Variants in SPTBN5 observed in about 807,000 individuals in gnomAD.
The protein encoded by SPTBN5 is spectrin beta, non-erythrocytic 5.
Under a neutral mutation model 477.6 loss-of-function variants are expected in SPTBN5, and 513 were observed. The ratio of observed to expected loss-of-function variants is 1.07; its 90% CI spans 1.00 to 1.16. The LOEUF (loss-of-function observed/expected upper bound fraction) is 1.16, where lower values mean the gene tolerates loss of function less well. SPTBN5 is among the 50% of genes most tolerant of loss of function. The pLI is 0.00. For synonymous variants in SPTBN5, 2,169 were observed against 2,011.7 expected (o/e 1.08, Z -2.09); for missense variants, 5,062 against 4,731.8 (o/e 1.07, Z -2.05).
At chr15:41,856,713 C>G (rs2065938441) in intron 52 of SPTBN5, 115 bp from the exon 53 acceptor site, 2 of 1,341,498 alleles carry the variant, frequency 1.5e-6, no homozygotes, top group East Asian at 2.5e-5. Context: ...TTCCCTGTCC[C>G]CATGACTCCC....
chr15:41,867,240 A>C, intron 35 of SPTBN5, 114 bp from the exon 36 acceptor site: 1 of 1,204,236 alleles, frequency 8.3e-7, no homozygotes, highest in Non-Finnish European at 1.1e-6. Flanking sequence ...TCAGCCCCAC[A>C]TGGCTGAGGG....
intron 21 of SPTBN5, 118 bp from the exon 22 acceptor site, chr15:41,875,740 G>A (rs374701241): frequency 3.2e-4 from 348 of 1,081,442 alleles, no homozygotes; most frequent in African/African-American, 4.9e-4. Context: ...TGCACTCCAC[G>A]GGCTGCCTGG....
chr15:41,868,428 TGCCTGCTGCCCCAGCTGGGTG>T lies in SPTBN5; in HGVS notation c.6006_6026del (p.Thr2003_Ala2009del), dbSNP rs764071982. 3.7e-5 allele frequency: 60 copies of T among 1,606,098 alleles called. No homozygotes were observed. Among genetic ancestry groups the T allele is most frequent in the South Asian group, 1.8e-4 (16 of 90,876 alleles). On this transcript the variant is annotated inframe_deletion, in exon 33 of 68. Transcript: ENST00000320955. ...TGGTGGGTGTCCCTGCAGCAAGAAG[TGCCTGCTGCCCCAGCTGGGTG>T]GCCTGCTGCCACAGCTTCTCCCGGG...
intron 21 of SPTBN5, 109 bp from the exon 22 acceptor site, chr15:41,875,731 G>T: frequency 8.7e-7 from 1 of 1,147,948 alleles, no homozygotes. Context: ...GACCACAGCT[G>T]CACTCCACGG....
chr15:41,860,533 A>G, intron 47 of SPTBN5, 53 bp downstream of exon 47: 1 of 1,335,770 alleles, frequency 7.5e-7, no homozygotes, highest in African/African-American at 1.5e-5. Flanking sequence ...CCGGGATGCC[A>G]GATGCCTGTG....
Position 41,881,093 on chromosome 15 carries a change from T to C in SPTBN5, c.2599A>G (p.Ile867Val), listed in dbSNP as rs1438074201. ...CTCAAGTGGTCCTGTGTCTGGAGTA[T>C]AGTGTTGGGATCAAAGTCAGGGTCA... ...EPDPDFDPNT[I>V]LQTQDHLSQD... Residue 867 changes from isoleucine (I) to valine (V), a missense_variant, in exon 13 of 68, where the codon ATA (isoleucine) becomes GTA (valine). Coordinates refer to ENST00000320955, the MANE Select transcript of SPTBN5 (RefSeq NM_016642.4). The C allele has an allele frequency of 6.2e-7, 1 of 1,611,754 alleles. No individual in the cohort carries two copies. The highest frequency in any genetic ancestry group is 8.5e-7 in the Non-Finnish European group (1 of 1,179,002).
rs1200287535 is a variant in SPTBN5 at position 41,878,422 on chromosome 15, C to T, written c.3390G>A (p.Val1130=). 1 of 1,613,720 alleles carries T rather than the reference C, an allele frequency of 6.2e-7. No individual in the cohort carries two copies. Among genetic ancestry groups the T allele is most frequent in the Non-Finnish European group, 8.5e-7 (1 of 1,179,908 alleles). Residue 1130 remains valine, a synonymous_variant, in exon 17 of 68, where the codon GTG becomes GTA. Coordinates refer to ENST00000320955, the MANE Select transcript of SPTBN5 (RefSeq NM_016642.4). The part of the protein sequence containing the change: ...SVQAQLRSKE[V]SVDVASAQRL... ...GCTGAGCCGAGGCCACATCCACTGACACCTCCTTGCTGCGCAGCTGAGCCT... is the reference window on the plus strand; with the variant it reads ...GCTGAGCCGAGGCCACATCCACTGATACCTCCTTGCTGCGCAGCTGAGCCT...
chr15:41,887,401 G>A lies in SPTBN5; in HGVS notation c.700C>T (p.Pro234Ser), dbSNP rs1212042753. Residue 234 changes from proline to serine, a missense_variant, in exon 6 of 68, where the codon CCA becomes TCA. By Grantham distance (74) the Pro-to-Ser change is moderately conservative. Transcript: ENST00000320955. ...LDYGSLRPDRPLHNLAFAFLV... is the reference protein window; with the variant it reads ...LDYGSLRPDRSLHNLAFAFLV... The stretch of plus-strand genomic sequence containing the variant: ...AAAGCAAAAGCAAGGTTGTGCAGTG[G>A]GCGGTCTGGACGCAGGGAGCCGTAG... The A allele has an allele frequency of 6.4e-7, 1 of 1,554,070 alleles. No homozygotes were observed. The highest frequency in any genetic ancestry group is 8.7e-7 in the Non-Finnish European group (1 of 1,148,836).
intron 67 of SPTBN5, 146 bp downstream of exon 67, chr15:41,849,723 A>T (rs976739383): frequency 1.5e-6 from 1 of 645,600 alleles, no homozygotes; most frequent in Non-Finnish European, 2.7e-6. Flanking sequence ...GAGAGTGGGC[A>T]GGGGCAGCTG....
At chr15:41,878,801 C>T (rs2066839341) in intron 16 of SPTBN5, among the ~76,000 whole-genome samples, 172 bp from the exon 17 acceptor site, 1 of 152,200 alleles carries the variant, frequency 6.6e-6, no homozygotes, top group South Asian at 2.1e-4. Context: ...GGTGCAGTGG[C>T]TCAAGCCTGT....
chr15:41,864,425 T>C (rs2066228088), intron 39 of SPTBN5, among the ~76,000 whole-genome samples: 1 of 152,216 alleles, frequency 6.6e-6, no homozygotes, highest in Non-Finnish European at 1.5e-5. Flanking sequence ...GCGATTCTCC[T>C]ACCTCAGCCT....
rs768708579 is a variant in SPTBN5, at chr15:41,887,299, G to A, written c.802C>T (p.Arg268Cys). 45 of 1,551,120 alleles carry A rather than the reference G, an allele frequency of 2.9e-5. No individual in the cohort carries two copies. The highest frequency in any genetic ancestry group is 1.2e-4 in the East Asian group (5 of 40,928). Residue 268 changes from arginine to cysteine, a missense_variant, in exon 6 of 68, where the codon CGC becomes TGC. Arg to Cys is a radical substitution (Grantham distance 180, BLOSUM62 -3). Coordinates refer to ENST00000320955, the MANE Select transcript of SPTBN5 (RefSeq NM_016642.4). Reference protein sequence around the residue: ...EDVAAAQPDERSIMTYVSLYY... With the variant: ...EDVAAAQPDECSIMTYVSLYY... ...AGGGAGACGTAGGTCATGATAGAGC[G>A]CTCATCTGGCTGTGCGGCTGCCACG...
At chr15:41,857,188 G>T (rs546678184) in intron 51 of SPTBN5, 50 bp downstream of exon 51, 6 of 1,547,388 alleles carry the variant, frequency 3.9e-6, no homozygotes, top group East Asian at 2.3e-5. Context: ...AGGGGTGGGG[G>T]TCCCTCCAGG....
rs370009495 is a variant in SPTBN5 at position 41,878,511 on chromosome 15, T to C, written c.3301A>G (p.Thr1101Ala). The change falls in exon 17 of 68, where the codon ACT (threonine) becomes GCT (alanine). Residue 1101 changes from threonine (T) to alanine (A), a missense_variant. Physicochemically the swap from Thr to Ala is moderately conservative, Grantham distance 58. Transcript: ENST00000320955. Reference protein sequence around the residue: ...VAQRARRQAETQARQSFLQES... With the variant: ...VAQRARRQAEAQARQSFLQES... The stretch of plus-strand genomic sequence containing the variant: ...TGCAGGAAGCTCTGCCGGGCCTGAG[T>C]CTCAGCCTGGCGCCGGGCCCGTTGG... The C allele has an allele frequency of 1.5e-5, 25 of 1,613,216 alleles. 1 individual carries two copies. In the African/African-American group the frequency reaches 2.8e-4, roughly 18 times the overall value.
Position 41,881,961 on chromosome 15 carries a change from G to T in SPTBN5, c.2432C>A (p.Ala811Asp). 6.5e-7 allele frequency: 1 copy of T among 1,528,038 alleles called. No homozygotes were observed. The highest frequency in any genetic ancestry group is 8.7e-7 in the Non-Finnish European group (1 of 1,146,756). The allele number at this position is 1,528,038 out of a possible 1,614,324, so 94.7% of individuals were successfully genotyped here. Residue 811 changes from alanine (A) to aspartate (D), a missense_variant, in exon 12 of 68, where the codon GCC becomes GAC. Coordinates refer to ENST00000320955, the MANE Select transcript of SPTBN5 (RefSeq NM_016642.4). ...LRRLEEQGRA[A>D]SARASLFTVN... ...CGTGAATAACGACGCCCGGGCCGAG[G>T]CCGCCCGCCCCTGCTCCTCCAGCCG...
In SPTBN5 at chr15:41,876,588, T is replaced by C. The variant is rs1396626784; in HGVS notation, c.3911A>G (p.Glu1304Gly). The change falls in exon 20 of 68, where the codon GAG becomes GGG. Residue 1304 changes from glutamate to glycine, a missense_variant. Glu to Gly is a moderately conservative substitution (Grantham distance 98). Coordinates refer to ENST00000320955, the MANE Select transcript of SPTBN5 (RefSeq NM_016642.4). Reference sequence around the variant, plus strand: ...AGCCAGCAACTGCCTCCTCCTCTGCTCACTCCTCCCCTGGAGCCTGGTCCA... The same window carrying C: ...AGCCAGCAACTGCCTCCTCCTCTGCCCACTCCTCCCCTGGAGCCTGGTCCA... ...AQWTRLQGRS[E>G]QRRRQLLASL... 18 of 1,583,034 alleles carry C rather than the reference T, an allele frequency of 1.1e-5. No individual in the cohort carries two copies. Among genetic ancestry groups the C allele is most frequent in the Non-Finnish European group, 1.3e-5 (15 of 1,165,256 alleles).
chr15:41,868,486 G>A lies in SPTBN5; in HGVS notation c.5969C>T (p.Ala1990Val), dbSNP rs781539798. The change falls in exon 33 of 68, where the codon GCG becomes GTG. Residue 1990 changes from alanine to valine, a missense_variant. Transcript: ENST00000320955. ...CAGCTTCTCCCGGGCCTCCAGCTCC[G>A]CCCGGAGCCACTGGTGGGCACTGAG... is the stretch of plus-strand genomic sequence containing the variant. Reference protein sequence around the residue: ...LKLSAHQWLRAELEAREKLWQ... With the variant: ...LKLSAHQWLRVELEAREKLWQ... The A allele has an allele frequency of 1.2e-5, 19 of 1,611,306 alleles. No homozygotes were observed. The highest frequency in any genetic ancestry group is 5.5e-5 in the South Asian group (5 of 91,074).
At position 41,853,442 on chromosome 15, in the gene SPTBN5, C is replaced by A; in HGVS notation, c.9986G>T (p.Trp3329Leu). 1 of 1,576,456 alleles carries A rather than the reference C, an allele frequency of 6.3e-7. No individual in the cohort carries two copies. Residue 3329 changes from tryptophan to leucine, a missense_variant, in exon 59 of 68, where the codon TGG becomes TTG. Coordinates refer to ENST00000320955, the MANE Select transcript of SPTBN5 (RefSeq NM_016642.4). Reference sequence around the variant, plus strand: ...CGCCAGCTCCTGCCTCTCCTGTGCCCATGCTCTGTGGGGCAGGGAAGGGAG... The same window carrying A: ...CGCCAGCTCCTGCCTCTCCTGTGCCAATGCTCTGTGGGGCAGGGAAGGGAG... Reference protein sequence around the residue: ...FLGRCQELLAWAQERQELASS... With the variant: ...FLGRCQELLALAQERQELASS...
rs775226886 is a variant in SPTBN5 at position 41,874,015 on chromosome 15, C to T, written c.4720G>A (p.Gly1574Arg). Residue 1574 changes from glycine to arginine, a missense_variant, in exon 25 of 68, where the codon GGG becomes AGG. By Grantham distance (125) the Gly-to-Arg change is moderately radical. Transcript: ENST00000320955. The stretch of plus-strand genomic sequence containing the variant: ...GAACTCAGCACCCGTTGCACCTGCC[C>T]CTGGTGAGCTTTTACCTCCACCTGG... ...ELQVEVKAHQ[G>R]QVQRVLSSGR... 3 of 1,601,028 alleles carry T rather than the reference C, an allele frequency of 1.9e-6. No individual in the cohort carries two copies. The highest frequency in any genetic ancestry group is 2.5e-6 in the Non-Finnish European group (3 of 1,179,308).
Sources: allele counts gnomAD v4.1 joint callset (sites outside exome capture counted in the v4.1 genomes callset), GRCh38; gene constraint gnomAD v4.1.1; transcripts MANE v1.5; gene names NCBI Gene and HGNC (gene_info 2026-07-23, HGNC 2026-07-21).